OR9Q1: variants seen among roughly 807,000 people sequenced by gnomAD.
The protein encoded by OR9Q1 is olfactory receptor 9Q1.
For synonymous variants in OR9Q1, 153 were observed against 148.6 expected, an observed-to-expected ratio of 1.03 and a Z score of -0.22; for missense variants, 374 against 378.8, an observed-to-expected ratio of 0.99 and a Z score of 0.11.
chr11:58,124,378 A>C (rs1314626859), intron 2 of OR9Q1: 2 of 152,096 alleles, frequency 1.3e-5, no homozygotes, highest in Non-Finnish European at 2.9e-5. Context: ...AGGGAAAAAG[A>C]CTCCTCTAAT....
intron 2 of OR9Q1, among the ~76,000 whole-genome samples, chr11:58,097,705 C>A (rs1853745011): frequency 6.6e-6 from 1 of 152,172 alleles, no homozygotes; most frequent in Non-Finnish European, 1.5e-5. Flanking sequence ...GTAAAACAAT[C>A]TAAATGTTCA....
chr11:58,177,929 G>A (rs1854620683), intron 2 of OR9Q1, among the ~76,000 whole-genome samples: 1 of 152,188 alleles, frequency 6.6e-6, no homozygotes, highest in African/African-American at 2.4e-5. Context: ...AGGTTTGAAG[G>A]TAGGGTAAGA....
At chr11:58,154,495 G>A (rs1370406668) in intron 2 of OR9Q1, among the ~76,000 whole-genome samples, 1 of 151,708 alleles carries the variant, frequency 6.6e-6, no homozygotes, top group African/African-American at 2.4e-5. Context: ...TTATTGGAGA[G>A]GGTTAAATGC....
intron 2 of OR9Q1, among the ~76,000 whole-genome samples, chr11:58,166,376 A>G (rs1044814661): frequency 6.6e-6 from 1 of 152,140 alleles, no homozygotes; most frequent in East Asian, 1.9e-4. Context: ...TTTTATACTC[A>G]TCAAACATTT....
chr11:58,172,985 A>T (rs1019142818), intron 2 of OR9Q1, among the ~76,000 whole-genome samples: 1 of 152,194 alleles, frequency 6.6e-6, no homozygotes, highest in Non-Finnish European at 1.5e-5. Context: ...TCCAAAAATT[A>T]TAATGATTTC....
chr11:58,027,898 G>C (rs1055739829), intron 1 of OR9Q1, among the ~76,000 whole-genome samples: 1 of 152,198 alleles, frequency 6.6e-6, no homozygotes, highest in South Asian at 2.1e-4. Context: ...CTAAGCCATG[G>C]ATCAGAGAGC....
At chr11:58,152,111 T>C (rs907784265) in intron 2 of OR9Q1, among the ~76,000 whole-genome samples, 6 of 152,128 alleles carry the variant, frequency 3.9e-5, no homozygotes, top group Admixed American at 3.9e-4. Flanking sequence ...TTCTACTCAA[T>C]CTGTAACTGG....
intron 2 of OR9Q1, among the ~76,000 whole-genome samples, chr11:58,131,124 G>C (rs1009572569): frequency 6.6e-6 from 1 of 152,122 alleles, no homozygotes; most frequent in African/African-American, 2.4e-5. Flanking sequence ...TGCAGGGCTA[G>C]AGCTCAGAAG....
intron 2 of OR9Q1, among the ~76,000 whole-genome samples, chr11:58,106,635 A>G (rs1853842936): frequency 1.3e-5 from 2 of 152,162 alleles, no homozygotes; most frequent in African/African-American, 4.8e-5. Flanking sequence ...CAGGTCTTAC[A>G]TTTAAGTTTT....
chr11:58,139,641 C>G (rs1261269159), intron 2 of OR9Q1, among the ~76,000 whole-genome samples: 1 of 152,044 alleles, frequency 6.6e-6, no homozygotes, highest in African/African-American at 2.4e-5. Flanking sequence ...GCATAGTATT[C>G]CATGGTGTAT....
intron 1 of OR9Q1, chr11:58,044,753 T>G (rs1166683171): frequency 8.0e-6 from 1 of 124,388 alleles, no homozygotes; most frequent in East Asian, 2.1e-4. Flanking sequence ...CTTCCGGATT[T>G]CGAGTGTGGT....
chr11:58,110,495 C>T (rs551217350), intron 2 of OR9Q1, among the ~76,000 whole-genome samples: 51 of 152,212 alleles, frequency 3.4e-4, no homozygotes, highest in Middle Eastern at 3.4e-3. Context: ...TTAGACATTT[C>T]CACATTAATT....
At chr11:58,146,024 C>T (rs1854296110) in intron 2 of OR9Q1, among the ~76,000 whole-genome samples, 1 of 152,058 alleles carries the variant, frequency 6.6e-6, no homozygotes. Context: ...GCCTGCTTCC[C>T]AAGATGGCAT....
At chr11:58,129,107 G>A (rs1301182023) in intron 2 of OR9Q1, among the ~76,000 whole-genome samples, 1 of 152,134 alleles carries the variant, frequency 6.6e-6, no homozygotes, top group Non-Finnish European at 1.5e-5. Context: ...ATCTCTTACA[G>A]GTTTGCTTAT....
chr11:58,129,929 T>C (rs1041773636), intron 2 of OR9Q1, among the ~76,000 whole-genome samples: 23 of 152,316 alleles, frequency 1.5e-4, no homozygotes, highest in African/African-American at 5.5e-4. Flanking sequence ...ATTTTATTTT[T>C]GTTTTACTTT....
At chr11:58,080,362 T>A in intron 2 of OR9Q1, among the ~76,000 whole-genome samples, 1 of 152,164 alleles carries the variant, frequency 6.6e-6, no homozygotes, top group East Asian at 1.9e-4. Flanking sequence ...ATGGTGCATA[T>A]GTACCACATT....
At chr11:58,070,881 C>T (rs1398731155) in intron 2 of OR9Q1, among the ~76,000 whole-genome samples, 1 of 152,152 alleles carries the variant, frequency 6.6e-6, no homozygotes, top group Non-Finnish European at 1.5e-5. Flanking sequence ...TAACCAGTTC[C>T]CTCTGTGTCA....
chr11:58,178,161 G>T (rs1468451833), intron 2 of OR9Q1, among the ~76,000 whole-genome samples: 9 of 152,158 alleles, frequency 5.9e-5, no homozygotes, highest in Non-Finnish European at 1.3e-4. Context: ...TCTCACAGAG[G>T]CATTTCCAAC....
chr11:58,178,942 AAT>A (rs1454910982), intron 2 of OR9Q1, among the ~76,000 whole-genome samples: 2 of 92,084 alleles, frequency 2.2e-5, no homozygotes, highest in Non-Finnish European at 5.3e-5. Flanking sequence ...ATTTATATAT[AAT>A]ATATATTTAC....
Sources: gnomAD v4.1 joint callset for allele counts (sites outside exome capture counted in the v4.1 genomes callset) on GRCh38, gnomAD v4.1.1 for gene constraint, MANE v1.5 for transcripts, NCBI Gene and HGNC (gene_info 2026-07-23, HGNC 2026-07-21) for gene names.